ESR1: variants seen among roughly 807,000 people sequenced by gnomAD.
The protein encoded by ESR1 is estrogen receptor.
In ESR1, 12 loss-of-function variants were observed where a neutral mutation model predicts 52.7. The observed-to-expected ratio is 0.23, with a 90% CI of 0.15 to 0.37. ESR1 has a LOEUF of 0.37. ESR1 is among the 10% of genes least tolerant of loss of function. The pLI is 1.00. For missense variants in ESR1, 584 were observed against 779.7 expected (o/e 0.75, Z 2.99); for synonymous variants, 305 against 316.8 (o/e 0.96, Z 0.39).
At chr6:151,859,158 A>G (rs375757969) in intron 2 of ESR1, among the ~76,000 whole-genome samples, 1 of 152,200 alleles carries the variant, frequency 6.6e-6, no homozygotes, top group Non-Finnish European at 1.5e-5. Flanking sequence ...TCTTGTATGC[A>G]AGATAGCATG....
chr6:152,105,175 T>A (rs149005741), downstream of ESR1, among the ~76,000 whole-genome samples: 201 of 152,268 alleles, frequency 1.3e-3, no homozygotes, highest in African/African-American at 4.6e-3. Context: ...AATATAAGTG[T>A]TTCCCTAAGT....
chr6:151,759,525 A>AATG (rs1784517974), intron 2 of ESR1, among the ~76,000 whole-genome samples: 1 of 151,942 alleles, frequency 6.6e-6, no homozygotes, highest in South Asian at 2.1e-4. Flanking sequence ...TAATAATAAT[A>AATG]ATAAAAAAAG....
chr6:151,712,242 C>T (rs149860725), intron 2 of ESR1, among the ~76,000 whole-genome samples: 3,133 of 152,076 alleles, frequency 0.021, 40 homozygotes, highest in East Asian at 0.036. Flanking sequence ...TTTTGGTTAC[C>T]GTAGCCTTGT....
intron 5 of ESR1, among the ~76,000 whole-genome samples, chr6:152,019,206 T>C (rs1279721875): frequency 6.6e-6 from 1 of 152,212 alleles, no homozygotes; most frequent in African/African-American, 2.4e-5. Flanking sequence ...AGAAATCAAT[T>C]GAATTATGCA....
At chr6:151,839,969 C>T (rs1484420166) in intron 1 of ESR1, among the ~76,000 whole-genome samples, 1 of 152,038 alleles carries the variant, frequency 6.6e-6, no homozygotes, top group Non-Finnish European at 1.5e-5. Flanking sequence ...ATATATCTTA[C>T]CACAATTTAA....
At chr6:151,977,749 C>T (rs998949808) in intron 4 of ESR1, among the ~76,000 whole-genome samples, 33 of 151,822 alleles carry the variant, frequency 2.2e-4, no homozygotes, top group South Asian at 4.2e-4. Flanking sequence ...GAGCCAAAAT[C>T]GCACCACTGC....
At chr6:151,933,801 T>C (rs1191739814) in intron 3 of ESR1, among the ~76,000 whole-genome samples, 2 of 152,202 alleles carry the variant, frequency 1.3e-5, no homozygotes, top group South Asian at 2.1e-4. Flanking sequence ...TCCATCAGCA[T>C]GTCTTATTGG....
At chr6:151,706,120 G>C (rs534086378) in intron 2 of ESR1, among the ~76,000 whole-genome samples, 35 of 152,272 alleles carry the variant, frequency 2.3e-4, no homozygotes, top group African/African-American at 8.4e-4. Flanking sequence ...CCAGCAGCTG[G>C]AATCAGCTAA....
At chr6:152,026,821 G>C (rs1023869757) in intron 5 of ESR1, among the ~76,000 whole-genome samples, 1 of 152,052 alleles carries the variant, frequency 6.6e-6, no homozygotes, top group Admixed American at 6.6e-5. Context: ...CTAGTCACTA[G>C]TAATAACGCA....
downstream of ESR1, among the ~76,000 whole-genome samples, chr6:152,104,539 A>G (rs895353312): frequency 1.3e-5 from 2 of 152,164 alleles, no homozygotes; most frequent in Non-Finnish European, 1.5e-5. Context: ...ATCGTTTTGT[A>G]CATGCCTCCT....
intron 4 of ESR1, among the ~76,000 whole-genome samples, chr6:151,973,395 C>T (rs971414525): frequency 6.6e-6 from 1 of 152,180 alleles, no homozygotes; most frequent in African/African-American, 2.4e-5. Context: ...AAGAATACAA[C>T]TGGATGTTCA....
chr6:152,094,236 G>A lies in ESR1; in HGVS notation c.1370-149G>A, dbSNP rs150229485. 1.4e-3 allele frequency: 1,072 copies of A among 780,920 alleles called. 9 individuals are homozygous for A. In the East Asian group the frequency reaches 0.024, roughly 17 times the overall value. The allele number at this position is 780,920 out of a possible 1,614,324, so 48.4% of individuals were successfully genotyped here. A position where few individuals can be genotyped will look rare whatever the true frequency, so the allele number is the denominator to read the frequency against. On this transcript the variant is annotated intron_variant, in intron 6 of 7. Coordinates refer to ENST00000206249, the MANE Select transcript of ESR1 (RefSeq NM_000125.4). This position sits in a 1 kb window ranked among gnomAD's most constrained non-coding sequence, Gnocchi z 4.6. ...CATTAGGAATTTTACACTGTAACCCGGTTTTAAATGGGTCCAGAGCATCCC... is the reference window on the plus strand; with the variant it reads ...CATTAGGAATTTTACACTGTAACCCAGTTTTAAATGGGTCCAGAGCATCCC...
At chr6:151,951,751 T>A (rs945505313) in intron 4 of ESR1, among the ~76,000 whole-genome samples, 1 of 152,234 alleles carries the variant, frequency 6.6e-6, no homozygotes, top group Admixed American at 6.5e-5. Flanking sequence ...GAAAAGTTAG[T>A]CCACTCAGAA....
At chr6:151,763,576 A>T (rs959169582) in intron 2 of ESR1, among the ~76,000 whole-genome samples, 1 of 152,132 alleles carries the variant, frequency 6.6e-6, no homozygotes, top group Non-Finnish European at 1.5e-5. Flanking sequence ...GGTGTTGCCT[A>T]CTGTGTTGGA....
At chr6:151,680,169 A>G (rs934888663) in intron 1 of ESR1, among the ~76,000 whole-genome samples, 5 of 150,718 alleles carry the variant, frequency 3.3e-5, no homozygotes, top group African/African-American at 1.2e-4. Flanking sequence ...GGCCTCTTCC[A>G]GGTGCAGACA....
intron 2 of ESR1, among the ~76,000 whole-genome samples, chr6:151,755,365 A>C (rs1784205785): frequency 6.6e-6 from 1 of 152,104 alleles, no homozygotes; most frequent in Non-Finnish European, 1.5e-5. Context: ...TCTCAAGCCA[A>C]ACACCATGGG....
chr6:151,766,591 A>G (rs1785074266), intron 2 of ESR1, among the ~76,000 whole-genome samples: 1 of 152,206 alleles, frequency 6.6e-6, no homozygotes, highest in Admixed American at 6.5e-5. Flanking sequence ...TTGAATTTTA[A>G]TAATGATTTT....
intron 5 of ESR1, among the ~76,000 whole-genome samples, chr6:152,054,508 C>T (rs2046948289): frequency 6.6e-6 from 1 of 152,072 alleles, no homozygotes; most frequent in South Asian, 2.1e-4. Context: ...GTCTCTCTCC[C>T]CCAATCTCCT....
chr6:152,058,543 A>G (rs1398208378), intron 5 of ESR1, among the ~76,000 whole-genome samples: 1 of 152,208 alleles, frequency 6.6e-6, no homozygotes, highest in African/African-American at 2.4e-5. Flanking sequence ...CTTTACATAA[A>G]AAACCTCATT....
Sources: gnomAD v4.1 joint callset for allele counts (sites outside exome capture counted in the v4.1 genomes callset) on GRCh38, gnomAD v4.1.1 for gene constraint, Gnocchi (gnomAD v3.1) non-coding constraint, MANE v1.5 for transcripts, NCBI Gene and HGNC (gene_info 2026-07-23, HGNC 2026-07-21) for gene names.